Variants in NXN observed in about 807,000 individuals in gnomAD.
NXN encodes the protein nucleoredoxin 1.
Under a neutral mutation model 48.6 loss-of-function variants are expected in NXN, and 16 were observed. The ratio of observed to expected loss-of-function variants is 0.33; its 90% CI spans 0.22 to 0.50. NXN has a LOEUF of 0.50. Ranked by LOEUF, NXN falls within the 20% of genes least tolerant of loss-of-function variation. The pLI is 0.98. For synonymous variants in NXN, 281 were observed against 269.6 expected, an observed-to-expected ratio of 1.04 and a Z score of -0.41; for missense variants, 492 against 605.5, an observed-to-expected ratio of 0.81 and a Z score of 1.97.
intron 7 of NXN, among the ~76,000 whole-genome samples, chr17:803,022 CCTGTG>C (rs1437100788): frequency 3.3e-5 from 5 of 152,158 alleles, no homozygotes; most frequent in African/African-American, 9.7e-5. Context: ...AGAGCCTGCA[CCTGTG>C]CTGAGTCGCG....
At chr17:854,451 A>G (rs569599157) in intron 1 of NXN, among the ~76,000 whole-genome samples, 38 of 147,218 alleles carry the variant, frequency 2.6e-4, no homozygotes, top group Admixed American at 1.6e-3. Flanking sequence ...GACTGAGACC[A>G]TCCTGGCTAA....
intron 1 of NXN, among the ~76,000 whole-genome samples, chr17:979,109 G>A (rs1382267773): frequency 2.1e-4 from 2 of 9,648 alleles, no homozygotes; most frequent in African/African-American, 5.1e-4. Flanking sequence ...CAGCGCGGAA[G>A]GGGGGGGGGC....
At chr17:804,972 CAGAG>C (rs1041281248) in intron 6 of NXN, 92 bp downstream of exon 6, 28 of 1,330,604 alleles carry the variant, frequency 2.1e-5, no homozygotes, top group Non-Finnish European at 2.7e-5. Flanking sequence ...CTGCTGGTGA[CAGAG>C]AGAAGCGGCA....
intron 1 of NXN, among the ~76,000 whole-genome samples, chr17:905,987 A>G (rs554887844): frequency 3.3e-5 from 5 of 152,060 alleles, no homozygotes; most frequent in Non-Finnish European, 7.4e-5. Context: ...AAAAAAAAAA[A>G]AAAGAAAAAG....
intron 1 of NXN, among the ~76,000 whole-genome samples, chr17:975,739 G>C (rs954728128): frequency 6.6e-6 from 1 of 152,172 alleles, no homozygotes; most frequent in African/African-American, 2.4e-5. Flanking sequence ...TGAGCTCTGC[G>C]ACTTTAACAC....
At chr17:934,612 G>A (rs950063787) in intron 1 of NXN, among the ~76,000 whole-genome samples, 3 of 152,068 alleles carry the variant, frequency 2.0e-5, no homozygotes, top group African/African-American at 7.2e-5. Context: ...AGTGGCTCAT[G>A]CCTGTAATCC....
intron 1 of NXN, among the ~76,000 whole-genome samples, chr17:963,941 G>A (rs570693577): frequency 6.6e-6 from 1 of 151,828 alleles, no homozygotes; most frequent in South Asian, 2.1e-4. Flanking sequence ...GCCGGGCGTG[G>A]TGGCGGGCGC....
rs76430453 is a variant in NXN at position 926,234 on chromosome 17, G to A, written c.360+53085C>T. Among the ~76,000 whole-genome samples, 960 of 152,200 alleles carry A rather than the reference G, an allele frequency of 6.3e-3. 15 individuals carry two copies. Among genetic ancestry groups the A allele is most frequent in the African/African-American group, 0.022 (932 of 41,520 alleles). ...CGGATCTCACTCTGTCACCCAGGCC[G>A]TAGTGCAGTGGCACCGTCAATGGCT... On this transcript the variant is annotated intron_variant, in intron 1 of 7. Coordinates refer to ENST00000336868, the MANE Select transcript of NXN (RefSeq NM_022463.5).
chr17:857,332 C>G (rs2067996431), intron 1 of NXN, among the ~76,000 whole-genome samples: 3 of 152,132 alleles, frequency 2.0e-5, no homozygotes, highest in Admixed American at 2.0e-4. Flanking sequence ...GTGATCTCAG[C>G]TCACTGGAAC....
chr17:961,585 A>G (rs2069238227), intron 1 of NXN, among the ~76,000 whole-genome samples: 1 of 152,164 alleles, frequency 6.6e-6, no homozygotes, highest in African/African-American at 2.4e-5. Flanking sequence ...CAGGATGTAC[A>G]TTTCATCTGC....
At chr17:964,236 C>T (rs1597282397) in intron 1 of NXN, among the ~76,000 whole-genome samples, 1 of 152,278 alleles carries the variant, frequency 6.6e-6, no homozygotes, top group East Asian at 1.9e-4. Context: ...TGTACAGAGA[C>T]AGATAAATCC....
rs182808748 is a variant in NXN at position 957,356 on chromosome 17, G to A, written c.360+21963C>T. Among the ~76,000 whole-genome samples the A allele has an allele frequency of 3.6e-4, 55 of 151,596 alleles. No individual in the cohort carries two copies. In the East Asian group the frequency reaches 7.6e-3, roughly 21 times the overall value. ...CTGATAGAAAATGCATTTCTGGGCC[G>A]GGCGCAGGGGCTCACTTCGGCCATC... is the stretch of plus-strand genomic sequence containing the variant. On this transcript the variant is annotated intron_variant, in intron 1 of 7. Coordinates refer to ENST00000336868, the MANE Select transcript of NXN (RefSeq NM_022463.5).
chr17:958,622 T>C lies in NXN; in HGVS notation c.360+20697A>G, dbSNP rs1338491771. ...CCCATCTGTACTAAAAATACAAAAA[T>C]TAGCCAGGCGTGGTGGCGTGCGCCT... On this transcript the variant is annotated intron_variant, in intron 1 of 7. Coordinates refer to ENST00000336868, the MANE Select transcript of NXN (RefSeq NM_022463.5). The surrounding 1 kb of genome is among the most constrained non-coding windows in gnomAD (Gnocchi z 6.9). 6.6e-6 allele frequency among the ~76,000 whole-genome samples: 1 copy of C among 151,982 alleles called. No homozygotes were observed. Among genetic ancestry groups the C allele is most frequent in the Non-Finnish European group, 1.5e-5 (1 of 68,014 alleles).
intron 1 of NXN, among the ~76,000 whole-genome samples, chr17:870,104 C>T (rs1024685089): frequency 1.3e-5 from 2 of 152,040 alleles, no homozygotes; most frequent in Non-Finnish European, 2.9e-5. Flanking sequence ...TTCTACCAGG[C>T]GCAGGACAGC....
intron 1 of NXN, among the ~76,000 whole-genome samples, chr17:836,743 A>ACATAGAGCGCTTAG (rs1913845969): frequency 6.6e-6 from 1 of 152,202 alleles, no homozygotes; most frequent in East Asian, 1.9e-4. Context: ...AACATGAGTT[A>ACATAGAGCGCTTAG]CATAGAGCGC....
chr17:958,432 A>G lies in NXN; in HGVS notation c.360+20887T>C, dbSNP rs1486483017. Among the ~76,000 whole-genome samples the G allele has an allele frequency of 6.6e-6, 1 of 152,202 alleles. No homozygotes were observed. Among genetic ancestry groups the G allele is most frequent in the Non-Finnish European group, 1.5e-5 (1 of 68,034 alleles). ...AAGGCTGAAACAGGAGGATCGCTTG[A>G]GGCCAGGCGTTCAAAACCAGCCCGG... On this transcript the variant is annotated intron_variant, in intron 1 of 7. Coordinates refer to ENST00000336868, the MANE Select transcript of NXN (RefSeq NM_022463.5). The surrounding 1 kb of genome is among the most constrained non-coding windows in gnomAD (Gnocchi z 6.9).
At chr17:918,241 C>T (rs144645196) in intron 1 of NXN, among the ~76,000 whole-genome samples, 9 of 152,284 alleles carry the variant, frequency 5.9e-5, no homozygotes, top group Non-Finnish European at 1.2e-4. Flanking sequence ...GTGCCAGAAA[C>T]AGCCCCAGAA....
chr17:825,921 TG>T lies in NXN; in HGVS notation c.478+39del. 1 of 1,303,050 alleles carries T rather than the reference TG, an allele frequency of 7.7e-7. No individual in the cohort carries two copies. The highest frequency in any genetic ancestry group is 1.1e-6 in the Non-Finnish European group (1 of 912,600). 80.7% of individuals were successfully genotyped at this position (1,303,050 alleles called of 1,614,324 possible). On this transcript the variant is annotated intron_variant, in intron 2 of 7. Transcript: ENST00000336868. This position sits in a 1 kb window ranked among gnomAD's most constrained non-coding sequence, Gnocchi z 4.1. ...CCTAAGGGCATGGAGGAGGGAGGGC[TG>T]GGTAATAAGAGGACCATATGCACGG...
chr17:905,848 G>A (rs1346275079), intron 1 of NXN, among the ~76,000 whole-genome samples: 1 of 151,722 alleles, frequency 6.6e-6, no homozygotes, highest in Non-Finnish European at 1.5e-5. Flanking sequence ...ATGGTGGCAT[G>A]TGCCTGTGGT....
Sources: allele counts gnomAD v4.1 joint callset (sites outside exome capture counted in the v4.1 genomes callset), GRCh38; gene constraint gnomAD v4.1.1; non-coding constraint Gnocchi (gnomAD v3.1); transcripts MANE v1.5; gene names NCBI Gene and HGNC (gene_info 2026-07-23, HGNC 2026-07-21).